The following PCDHGA3 variants were observed in gnomAD, a reference collection of about 807,000 sequenced individuals.
PCDHGA3 encodes the protein protocadherin gamma subfamily A, 3.
Under a neutral mutation model 58.5 loss-of-function variants are expected in PCDHGA3, and 40 were observed. The observed-to-expected ratio is 0.68, with a 90% CI of 0.53 to 0.89. The LOEUF (loss-of-function observed/expected upper bound fraction) is 0.89, where lower values mean the gene tolerates loss of function less well. Among genes scored for constraint, PCDHGA3 ranks in the 40% least tolerant of loss-of-function variants. The pLI, the probability that PCDHGA3 is intolerant of heterozygous loss-of-function variation, is 0.00. For synonymous variants in PCDHGA3, 530 were observed against 525.7 expected (o/e 1.01, Z -0.11); for missense variants, 1,223 against 1,195.9 (o/e 1.02, Z -0.33).
At chr5:141,365,104 C>T (rs775966290) in intron 1 of PCDHGA3, 1 of 1,613,874 alleles carries the variant, frequency 6.2e-7, no homozygotes, top group Non-Finnish European at 8.5e-7. Context: ...TACCTGTGGG[C>T]ACTCGGCTGC....
At chr5:141,364,499 C>T (rs1763362832) in intron 1 of PCDHGA3, 1 of 1,614,006 alleles carries the variant, frequency 6.2e-7, no homozygotes, top group Non-Finnish European at 8.5e-7. Context: ...GCTGGAGCCC[C>T]AGGAGCTGGC....
intron 1 of PCDHGA3, chr5:141,478,721 C>A: frequency 6.5e-7 from 1 of 1,543,216 alleles, no homozygotes; most frequent in Non-Finnish European, 8.8e-7. Context: ...TGGTGGCCTG[C>A]CAGAGTGTGG....
chr5:141,415,849 C>A (rs1453652151), intron 1 of PCDHGA3: 2 of 1,230,672 alleles, frequency 1.6e-6, no homozygotes, highest in Non-Finnish European at 2.1e-6. Flanking sequence ...CTTTGCAGAA[C>A]CTTGTAGTTT....
intron 1 of PCDHGA3, among the ~76,000 whole-genome samples, chr5:141,481,676 G>A (rs975849679): frequency 3.3e-5 from 5 of 152,028 alleles, no homozygotes; most frequent in Admixed American, 1.3e-4. Flanking sequence ...AAATCAGGCC[G>A]GGCCTGGTGG....
chr5:141,419,300 T>G (rs2096356436), intron 1 of PCDHGA3: 3 of 1,613,998 alleles, frequency 1.9e-6, no homozygotes, highest in Non-Finnish European at 2.5e-6. Context: ...TGACCCAGAC[T>G]TCGGGCTCAA....
intron 1 of PCDHGA3, among the ~76,000 whole-genome samples, chr5:141,450,375 A>G (rs1338336573): frequency 1.3e-5 from 2 of 152,166 alleles, no homozygotes; most frequent in Non-Finnish European, 2.9e-5. Context: ...GTTTGTTTAT[A>G]TGAAACTGAC....
At chr5:141,418,115 G>C in intron 1 of PCDHGA3, 1 of 1,614,098 alleles carries the variant, frequency 6.2e-7, no homozygotes, top group South Asian at 1.1e-5. Context: ...GGACTTACTT[G>C]TGAAGGACCG....
intron 1 of PCDHGA3, chr5:141,374,477 C>T (rs376389009): frequency 7.4e-6 from 12 of 1,611,808 alleles, no homozygotes; most frequent in Non-Finnish European, 9.3e-6. Context: ...CAATACACCC[C>T]GATTCTTAAA....
Position 141,344,298 on chromosome 5 carries a change from A to T in PCDHGA3, c.265A>T (p.Arg89Trp). Residue 89 changes from arginine to tryptophan, a missense_variant, in exon 1 of 4, where the codon AGG becomes TGG. Coordinates refer to ENST00000253812, the MANE Select transcript of PCDHGA3 (RefSeq NM_018916.4). ...AAGCGGCAGCTTGGTCACCGCGGAGAGGATAGACCGGGAGGAGCTCTGCGC... is the reference window on the plus strand; with the variant it reads ...AAGCGGCAGCTTGGTCACCGCGGAGTGGATAGACCGGGAGGAGCTCTGCGC... ...PQSGSLVTAERIDREELCAQI... is the reference protein window; with the variant it reads ...PQSGSLVTAEWIDREELCAQI... 6.2e-7 allele frequency: 1 copy of T among 1,614,114 alleles called. No individual in the cohort carries two copies. Among genetic ancestry groups the T allele is most frequent in the South Asian group, 1.1e-5 (1 of 91,088 alleles).
chr5:141,356,607 C>A, intron 1 of PCDHGA3: 1 of 1,614,198 alleles, frequency 6.2e-7, no homozygotes, highest in Non-Finnish European at 8.5e-7. Flanking sequence ...CCAGAGGAGC[C>A]TCCATCTTAT....
intron 1 of PCDHGA3, chr5:141,376,036 G>A (rs755190782): frequency 5.0e-6 from 8 of 1,613,116 alleles, no homozygotes; most frequent in South Asian, 1.1e-5. Flanking sequence ...ACCACGGCCA[G>A]CCCCCTCTCT....
At chr5:141,461,799 G>T (rs1025237561) in intron 1 of PCDHGA3, among the ~76,000 whole-genome samples, 5 of 151,188 alleles carry the variant, frequency 3.3e-5, no homozygotes, top group Admixed American at 1.3e-4. Context: ...GATTACAGGT[G>T]CCCACCACCA....
chr5:141,405,459 A>T, intron 1 of PCDHGA3: 2 of 1,229,452 alleles, frequency 1.6e-6, no homozygotes, highest in Non-Finnish European at 2.3e-6. Flanking sequence ...TTACTCTGTT[A>T]CCCAGGCTGG....
rs930862898 is a variant in PCDHGA3 at position 141,480,073 on chromosome 5, C to A, written c.2425-14734C>A. ...GGAATAATAAGTGTTTTATAAGATT[C>A]ATGCATGATATAATGTATGCAAAGT... On this transcript the variant is annotated intron_variant, in intron 1 of 3. Coordinates refer to ENST00000253812, the MANE Select transcript of PCDHGA3 (RefSeq NM_018916.4). Among the ~76,000 whole-genome samples, 5 of 152,174 alleles carry A rather than the reference C, an allele frequency of 3.3e-5. No homozygotes were observed. In the South Asian group the frequency reaches 8.3e-4, roughly 25 times the overall value.
rs902072815 is a variant in PCDHGA3, at chr5:141,495,024, C to A, written c.2483+159C>A. On this transcript the variant is annotated intron_variant, in intron 2 of 3. Coordinates refer to ENST00000253812, the MANE Select transcript of PCDHGA3 (RefSeq NM_018916.4). ...GGTGTGCGGGGGGCTGGCACACAGACCCCGGAAGGAAGAGGCGACTGCCCT... is the reference window on the plus strand; with the variant it reads ...GGTGTGCGGGGGGCTGGCACACAGAACCCGGAAGGAAGAGGCGACTGCCCT... The A allele has an allele frequency of 1.6e-5, 16 of 973,368 alleles. No homozygotes were observed. In the South Asian group the frequency reaches 5.7e-4, roughly 35 times the overall value. The allele number at this position is 973,368 out of a possible 1,614,324, so 60.3% of individuals were successfully genotyped here. A position where few individuals can be genotyped will look rare whatever the true frequency, so the allele number is the denominator to read the frequency against.
intron 1 of PCDHGA3, chr5:141,370,409 C>CG (rs775733785): frequency 1.3e-6 from 2 of 1,561,734 alleles, no homozygotes; most frequent in Non-Finnish European, 1.7e-6. Context: ...GAAATAGCTC[C>CG]GGATGGAGGG....
chr5:141,422,546 G>T, intron 1 of PCDHGA3: 2 of 1,613,972 alleles, frequency 1.2e-6, no homozygotes, highest in South Asian at 2.2e-5. Flanking sequence ...ACTCATGTCT[G>T]GCTGAATGTG....
chr5:141,487,442 G>A lies in PCDHGA3; in HGVS notation c.2425-7365G>A, dbSNP rs749842864. 1 of 1,613,918 alleles carries A rather than the reference G, an allele frequency of 6.2e-7. No homozygotes were observed. Among genetic ancestry groups the A allele is most frequent in the Non-Finnish European group, 8.5e-7 (1 of 1,179,798 alleles). On this transcript the variant is annotated intron_variant, in intron 1 of 3. Coordinates refer to ENST00000253812, the MANE Select transcript of PCDHGA3 (RefSeq NM_018916.4). The surrounding 1 kb of genome is among the most constrained non-coding windows in gnomAD (Gnocchi z 5.0). ...GATCCTCCGAATCCAGCTAGGGTCA[G>A]ATGACCCTATCAAGTTTGTTGATGT...
At chr5:141,394,801 C>A in intron 1 of PCDHGA3, 2 of 1,613,838 alleles carry the variant, frequency 1.2e-6, no homozygotes, top group Non-Finnish European at 1.7e-6. Flanking sequence ...CTCACCGTAG[C>A]CGTGGCTGAC....
Sources: gnomAD v4.1 joint callset for allele counts (sites outside exome capture counted in the v4.1 genomes callset) on GRCh38, gnomAD v4.1.1 for gene constraint, Gnocchi (gnomAD v3.1) non-coding constraint, MANE v1.5 for transcripts, NCBI Gene and HGNC (gene_info 2026-07-23, HGNC 2026-07-21) for gene names.